The following TTLL11 variants were observed in gnomAD, a reference collection of about 807,000 sequenced individuals.
The protein encoded by TTLL11 is tubulin tyrosine ligase like 11.
Under a neutral mutation model 51.7 loss-of-function variants are expected in TTLL11, and 42 were observed. That is an observed-to-expected ratio of 0.81 (90% CI 0.64 to 1.05). The LOEUF (loss-of-function observed/expected upper bound fraction) is 1.05, where lower values mean the gene tolerates loss of function less well. Among genes scored for constraint, TTLL11 ranks in the 50% least tolerant of loss-of-function variants. The pLI is 0.00. For synonymous variants in TTLL11, 381 were observed against 383.5 expected, an observed-to-expected ratio of 0.99 and a Z score of 0.08; for missense variants, 799 against 940.4, an observed-to-expected ratio of 0.85 and a Z score of 1.97.
chr9:121,997,311 G>T (rs1843305503), intron 3 of TTLL11, among the ~76,000 whole-genome samples: 1 of 152,146 alleles, frequency 6.6e-6, no homozygotes, highest in Non-Finnish European at 1.5e-5. Context: ...AACTGCTGGA[G>T]CTGAGGGGAG....
chr9:121,931,447 A>G (rs1840964664), intron 6 of TTLL11, among the ~76,000 whole-genome samples: 2 of 152,166 alleles, frequency 1.3e-5, no homozygotes, highest in Admixed American at 6.5e-5. Context: ...CTGAACTATA[A>G]GAAATATTCA....
intron 6 of TTLL11, among the ~76,000 whole-genome samples, chr9:121,910,733 C>A (rs1840087416): frequency 6.6e-6 from 1 of 152,176 alleles, no homozygotes; most frequent in South Asian, 2.1e-4. Flanking sequence ...AAAAAAAATT[C>A]TTTCCTGTAA....
At chr9:122,044,841 G>A (rs1844956468) in intron 1 of TTLL11, among the ~76,000 whole-genome samples, 1 of 152,014 alleles carries the variant, frequency 6.6e-6, no homozygotes, top group Non-Finnish European at 1.5e-5. Flanking sequence ...TGGGCGAGGT[G>A]GCACACACCT....
chr9:121,911,604 C>G (rs138113915), intron 6 of TTLL11, among the ~76,000 whole-genome samples: 4,235 of 151,910 alleles, frequency 0.028, 145 homozygotes, highest in African/African-American at 0.077. Flanking sequence ...TACTATGAAG[C>G]CATAAAAAAG....
intron 6 of TTLL11, among the ~76,000 whole-genome samples, chr9:121,938,087 AG>A (rs1183523934): frequency 6.6e-6 from 1 of 152,162 alleles, no homozygotes; most frequent in Non-Finnish European, 1.5e-5. Flanking sequence ...CAAGAGATCA[AG>A]ACCATCCTGG....
intron 3 of TTLL11, among the ~76,000 whole-genome samples, chr9:122,018,815 C>T (rs1212439871): frequency 6.6e-6 from 1 of 152,218 alleles, no homozygotes; most frequent in Non-Finnish European, 1.5e-5. Flanking sequence ...CTTTCAGCAT[C>T]AATCAAATGG....
intron 6 of TTLL11, among the ~76,000 whole-genome samples, chr9:121,895,992 TTGTG>T (rs753335178): frequency 1.3e-5 from 1 of 76,980 alleles, no homozygotes; most frequent in Non-Finnish European, 2.8e-5. Flanking sequence ...GGTGGGTGTT[TTGTG>T]TGAGTGTGTA....
intron 6 of TTLL11, among the ~76,000 whole-genome samples, chr9:121,926,392 C>G (rs1018367174): frequency 1.3e-5 from 2 of 152,234 alleles, no homozygotes; most frequent in East Asian, 3.8e-4. Flanking sequence ...AAAAATAACT[C>G]CCCCCTTCTT....
chr9:121,881,135 A>G (rs1001735292), intron 6 of TTLL11, among the ~76,000 whole-genome samples: 2 of 152,224 alleles, frequency 1.3e-5, no homozygotes, highest in African/African-American at 4.8e-5. Flanking sequence ...CTCCAAAATT[A>G]GCAGAAAAGG....
chr9:121,968,958 C>T (rs1194352068), intron 6 of TTLL11, among the ~76,000 whole-genome samples: 2 of 152,042 alleles, frequency 1.3e-5, no homozygotes, highest in African/African-American at 2.4e-5. Context: ...CAACCTCCAC[C>T]TCCCAGGTTC....
rs555666667 is a variant in TTLL11 at position 122,028,174 on chromosome 9, AC to A, written c.693+3548del. Among the ~76,000 whole-genome samples, 10 of 152,346 alleles carry A rather than the reference AC, an allele frequency of 6.6e-5. No homozygotes were observed. The South Asian group carries it at 2.1e-3, about 32-fold the overall frequency. ...AAGCCGAAAGAAGAGATAAAATAAA[AC>A]ACTAAAAATATTCAATTAATCCAAC... On this transcript the variant is annotated intron_variant, in intron 3 of 8. Coordinates refer to ENST00000321582, the MANE Select transcript of TTLL11 (RefSeq NM_001139442.2).
At chr9:121,933,338 G>C (rs866545368) in intron 6 of TTLL11, among the ~76,000 whole-genome samples, 2 of 152,182 alleles carry the variant, frequency 1.3e-5, no homozygotes, top group East Asian at 3.9e-4. Context: ...AGAATGGGGA[G>C]CAAACGGGTT....
At chr9:122,005,002 T>G (rs948515480) in intron 3 of TTLL11, among the ~76,000 whole-genome samples, 12 of 152,178 alleles carry the variant, frequency 7.9e-5, no homozygotes, top group Non-Finnish European at 1.3e-4. Flanking sequence ...ATAGGGGCTA[T>G]AGGTAACACC....
chr9:121,978,271 TAG>T (rs1327524519), intron 4 of TTLL11, among the ~76,000 whole-genome samples: 1 of 152,154 alleles, frequency 6.6e-6, no homozygotes, highest in Non-Finnish European at 1.5e-5. Flanking sequence ...GGGAGATATG[TAG>T]AGTTATCTTG....
At chr9:121,952,694 G>C (rs144895517) in intron 6 of TTLL11, among the ~76,000 whole-genome samples, 1 of 152,224 alleles carries the variant, frequency 6.6e-6, no homozygotes, top group East Asian at 1.9e-4. Context: ...GGAGACACTG[G>C]CAAACGTGCT....
At chr9:121,840,180 T>C (rs1205046655) in intron 8 of TTLL11, among the ~76,000 whole-genome samples, 2 of 152,318 alleles carry the variant, frequency 1.3e-5, no homozygotes, top group South Asian at 2.1e-4. Flanking sequence ...ACTGTATTCA[T>C]GCCTAGGAGC....
intron 6 of TTLL11, among the ~76,000 whole-genome samples, chr9:121,969,765 CA>C (rs1432732200): frequency 1.3e-5 from 2 of 152,308 alleles, no homozygotes; most frequent in East Asian, 3.9e-4. Flanking sequence ...TGGAAGTCTA[CA>C]TAACATCATT....
chr9:122,010,598 G>T (rs1427994123), intron 3 of TTLL11, among the ~76,000 whole-genome samples: 1 of 152,216 alleles, frequency 6.6e-6, no homozygotes, highest in Non-Finnish European at 1.5e-5. Context: ...CTCTGCAATG[G>T]AGGGACATCT....
intron 8 of TTLL11, among the ~76,000 whole-genome samples, chr9:121,823,271 C>T (rs772922115): frequency 6.6e-6 from 1 of 152,222 alleles, no homozygotes; most frequent in Admixed American, 6.5e-5. Flanking sequence ...CCTGGCTGGG[C>T]GCAGTGGCTC....
Sources: allele counts gnomAD v4.1 joint callset (sites outside exome capture counted in the v4.1 genomes callset), GRCh38; gene constraint gnomAD v4.1.1; transcripts MANE v1.5; gene names NCBI Gene and HGNC (gene_info 2026-07-23, HGNC 2026-07-21).